Variants in ARHGAP28 observed in about 807,000 individuals in gnomAD.
ARHGAP28 encodes the protein Rho GTPase activating protein 28.
A neutral mutation model predicts 90.7 loss-of-function variants in ARHGAP28; 56 were observed. That is an observed-to-expected ratio of 0.62 (90% confidence interval 0.50 to 0.77). The LOEUF (loss-of-function observed/expected upper bound fraction) is 0.77. Ranked by LOEUF, ARHGAP28 falls within the 30% of genes least tolerant of loss-of-function variation. The pLI, the probability that ARHGAP28 is intolerant of heterozygous loss-of-function variation, is 0.00. For synonymous variants in ARHGAP28, 308 were observed against 323.3 expected (o/e 0.95, Z 0.51); for missense variants, 869 against 900.9 (o/e 0.96, Z 0.45).
At chr18:6,893,290 T>C (rs1186591362) in intron 14 of ARHGAP28, among the ~76,000 whole-genome samples, 1 of 152,186 alleles carries the variant, frequency 6.6e-6, no homozygotes, top group East Asian at 1.9e-4. Context: ...TCCCTGCCAG[T>C]ACCCATGCCA....
chr18:6,765,798 A>G (rs2056195646), intron 1 of ARHGAP28, among the ~76,000 whole-genome samples: 1 of 151,924 alleles, frequency 6.6e-6, no homozygotes, highest in African/African-American at 2.4e-5. Flanking sequence ...TCCCATATAT[A>G]TTGGTTTGTT....
At chr18:6,839,228 A>G (rs889708758) in intron 3 of ARHGAP28, among the ~76,000 whole-genome samples, 1 of 151,932 alleles carries the variant, frequency 6.6e-6, no homozygotes, top group East Asian at 1.9e-4. Context: ...GTCTTCAGGG[A>G]CTTTCTACTT....
At chr18:6,869,461 A>G (rs2057065629) in intron 6 of ARHGAP28, among the ~76,000 whole-genome samples, 1 of 151,784 alleles carries the variant, frequency 6.6e-6, no homozygotes, top group Admixed American at 6.6e-5. Flanking sequence ...GCGTTTCTCT[A>G]TGTTGGCCAG....
intron 1 of ARHGAP28, among the ~76,000 whole-genome samples, chr18:6,775,907 G>C (rs2056279564): frequency 1.3e-5 from 2 of 152,162 alleles, no homozygotes; most frequent in Admixed American, 1.3e-4. Flanking sequence ...TTAAAGACAA[G>C]TTTAACAAGG....
chr18:6,754,471 A>C (rs2056093705), intron 1 of ARHGAP28, among the ~76,000 whole-genome samples: 1 of 152,194 alleles, frequency 6.6e-6, no homozygotes, highest in East Asian at 1.9e-4. Flanking sequence ...AAAATTCTCA[A>C]ATCACGGAGT....
Position 6,846,634 on chromosome 18 carries a change from C to T in ARHGAP28, c.544-4400C>T, listed in dbSNP as rs909010044. ...TTCCTTCCCACCAGGACACTTGGCC[C>T]GAGGTGTTTGCCCCTCTCTGCTGTC... is the stretch of plus-strand genomic sequence containing the variant. On this transcript the variant is annotated intron_variant, in intron 3 of 17. Transcript: ENST00000383472. Among the ~76,000 whole-genome samples, 12 of 152,258 alleles carry T rather than the reference C, an allele frequency of 7.9e-5. No homozygotes were observed. The South Asian group carries it at 1.5e-3, about 18-fold the overall frequency.
intron 2 of ARHGAP28, among the ~76,000 whole-genome samples, chr18:6,825,881 T>C (rs1185342215): frequency 6.6e-6 from 1 of 152,238 alleles, no homozygotes; most frequent in African/African-American, 2.4e-5. Flanking sequence ...GTTGATTCCA[T>C]ATCTTTGCAA....
intron 2 of ARHGAP28, among the ~76,000 whole-genome samples, chr18:6,830,847 A>G (rs1346483064): frequency 6.6e-6 from 1 of 152,206 alleles, no homozygotes; most frequent in Admixed American, 6.5e-5. Flanking sequence ...TTGTTTATCC[A>G]TCTACTTTTA....
At chr18:6,845,557 T>TCAG (rs2056859833) in intron 3 of ARHGAP28, among the ~76,000 whole-genome samples, 1 of 152,192 alleles carries the variant, frequency 6.6e-6, no homozygotes, top group Non-Finnish European at 1.5e-5. Context: ...TTAGCTGTTC[T>TCAG]TACTGATGCT....
intron 17 of ARHGAP28, among the ~76,000 whole-genome samples, chr18:6,910,914 G>C (rs1460468565): frequency 6.6e-6 from 1 of 151,314 alleles, no homozygotes; most frequent in African/African-American, 2.4e-5. Context: ...GCGCGATCTC[G>C]GCTCACTGCA....
At chr18:6,783,172 C>T (rs533853339) in intron 1 of ARHGAP28, among the ~76,000 whole-genome samples, 4 of 152,246 alleles carry the variant, frequency 2.6e-5, no homozygotes, top group African/African-American at 4.8e-5. Context: ...CTTTAATGCT[C>T]CCCCTGCTTA....
chr18:6,913,847 T>C lies in ARHGAP28; in HGVS notation c.*1693T>C, dbSNP rs1402808375. The C allele has an allele frequency of 6.6e-6, 1 of 152,130 alleles. No homozygotes were observed. The highest frequency in any genetic ancestry group is 1.5e-5 in the Non-Finnish European group (1 of 68,016). 9.4% of individuals were successfully genotyped at this position (152,130 alleles called of 1,614,324 possible). On this transcript the variant is annotated 3_prime_UTR_variant, in exon 18 of 18. Transcript: ENST00000383472. ...GTATGGGTAATTGGTGGCACATGAC[T>C]TTACATAATGACTTTCTAGACTCTG... is the stretch of plus-strand genomic sequence containing the variant.
At chr18:6,775,335 T>C (rs768912192) in intron 1 of ARHGAP28, among the ~76,000 whole-genome samples, 3 of 152,192 alleles carry the variant, frequency 2.0e-5, no homozygotes, top group Non-Finnish European at 4.4e-5. Context: ...ATTTACAAAG[T>C]GTGTTTATCG....
chr18:6,739,770 CT>C lies in ARHGAP28; in HGVS notation c.122+9833del, dbSNP rs1367044828. On this transcript the variant is annotated intron_variant, in intron 1 of 17. Coordinates refer to ENST00000383472, the MANE Select transcript of ARHGAP28 (RefSeq NM_001366230.1). The stretch of plus-strand genomic sequence containing the variant: ...TTTTTCACTTTAGTTTTATTAATTG[CT>C]TTTTTAACAACTAAAATATATTTCT... Among the ~76,000 whole-genome samples, 10 of 149,082 alleles carry C rather than the reference CT, an allele frequency of 6.7e-5. No homozygotes were observed. In the East Asian group the frequency reaches 2.0e-3, roughly 29 times the overall value.
chr18:6,844,352 A>G (rs2056850064), intron 3 of ARHGAP28, among the ~76,000 whole-genome samples: 1 of 152,196 alleles, frequency 6.6e-6, no homozygotes, highest in African/African-American at 2.4e-5. Flanking sequence ...TTTCATAAAA[A>G]CAATCAGGAC....
At chr18:6,881,338 T>C (rs1224966152) in intron 10 of ARHGAP28, among the ~76,000 whole-genome samples, 1 of 152,202 alleles carries the variant, frequency 6.6e-6, no homozygotes, top group Non-Finnish European at 1.5e-5. Context: ...GAGCAGTTAG[T>C]GTCAGCTGGG....
chr18:6,841,861 C>T (rs2056830479), intron 3 of ARHGAP28, among the ~76,000 whole-genome samples: 1 of 152,142 alleles, frequency 6.6e-6, no homozygotes, highest in African/African-American at 2.4e-5. Flanking sequence ...GTTCATTTTT[C>T]AGGTTCTACA....
At chr18:6,865,809 C>G (rs530289966) in intron 5 of ARHGAP28, among the ~76,000 whole-genome samples, 31 of 152,190 alleles carry the variant, frequency 2.0e-4, no homozygotes, top group South Asian at 1.0e-3. Context: ...CTTGGTGTAA[C>G]TAGGGCAGCA....
intron 1 of ARHGAP28, among the ~76,000 whole-genome samples, chr18:6,762,391 C>G (rs2056168598): frequency 6.6e-6 from 1 of 152,208 alleles, no homozygotes; most frequent in Admixed American, 6.5e-5. Flanking sequence ...ACTTCCCTCT[C>G]TAGCTTCAAA....
Sources: allele counts gnomAD v4.1 joint callset (sites outside exome capture counted in the v4.1 genomes callset), GRCh38; gene constraint gnomAD v4.1.1; transcripts MANE v1.5; gene names NCBI Gene and HGNC (gene_info 2026-07-23, HGNC 2026-07-21).